The following SCAF8 variants were observed in gnomAD, a reference collection of about 807,000 sequenced individuals.
The protein encoded by SCAF8 is SR-related CTD associated factor 8.
In SCAF8, 23 loss-of-function variants were observed where a neutral mutation model predicts 140.5. The observed-to-expected ratio is 0.16, with a 90% CI of 0.12 to 0.23. The LOEUF (loss-of-function observed/expected upper bound fraction) is 0.23, where lower values mean the gene tolerates loss of function less well. SCAF8 is among the 10% of genes least tolerant of loss of function. The pLI, the probability that SCAF8 is intolerant of heterozygous loss-of-function variation, is 1.00. For synonymous variants in SCAF8, 575 were observed against 528.9 expected (o/e 1.09, Z -1.20); for missense variants, 1,397 against 1,555.7 (o/e 0.90, Z 1.72).
At chr6:154,781,802 G>A (rs937058695) in intron 3 of SCAF8, among the ~76,000 whole-genome samples, 2 of 152,068 alleles carry the variant, frequency 1.3e-5, no homozygotes, top group Non-Finnish European at 2.9e-5. Flanking sequence ...CATTTCTTTG[G>A]GATAGTGAGT....
intron 3 of SCAF8, among the ~76,000 whole-genome samples, chr6:154,778,469 A>T (rs1368749637): frequency 6.6e-6 from 1 of 152,146 alleles, no homozygotes; most frequent in Admixed American, 6.6e-5. Context: ...AGTATTTAAA[A>T]TATAGTATTG....
intron 1 of SCAF8, among the ~76,000 whole-genome samples, chr6:154,754,961 G>C (rs1052223093): frequency 6.6e-6 from 1 of 151,976 alleles, no homozygotes; most frequent in Non-Finnish European, 1.5e-5. Flanking sequence ...TTAGACTTCT[G>C]TTTATATCAG....
At position 154,754,797 on chromosome 6, in the gene SCAF8, T is replaced by C. The variant is rs7741416; in HGVS notation, c.31-19192T>C. 9.6e-3 allele frequency among the ~76,000 whole-genome samples: 1,468 copies of C among 152,342 alleles called. 16 individuals carry two copies. The highest frequency in any genetic ancestry group is 0.033 in the African/African-American group (1,389 of 41,588). On this transcript the variant is annotated intron_variant, in intron 1 of 19. Coordinates refer to ENST00000367178, the MANE Select transcript of SCAF8 (RefSeq NM_014892.5). ...AGTTTTCAGTATTTATTCCTTATCT[T>C]TTCAACTATTATCTCTTCAGAAATT... is the stretch of plus-strand genomic sequence containing the variant.
intron 1 of SCAF8, among the ~76,000 whole-genome samples, chr6:154,771,960 A>G (rs1412092377): frequency 1.3e-5 from 2 of 152,332 alleles, no homozygotes; most frequent in Admixed American, 6.5e-5. Flanking sequence ...GTTGTTCTTC[A>G]GGTGAGAGAT....
intron 1 of SCAF8, among the ~76,000 whole-genome samples, chr6:154,769,323 A>G (rs1042593960): frequency 6.6e-6 from 1 of 152,160 alleles, no homozygotes; most frequent in Admixed American, 6.5e-5. Context: ...CAACCTCCCA[A>G]AAGAAAACAA....
At chr6:154,746,017 C>G (rs1778690959) in intron 1 of SCAF8, among the ~76,000 whole-genome samples, 1 of 152,150 alleles carries the variant, frequency 6.6e-6, no homozygotes, top group Non-Finnish European at 1.5e-5. Context: ...TCCTGACTAG[C>G]TGGGGCCACA....
At chr6:154,812,336 G>A (rs185959372) in intron 12 of SCAF8, among the ~76,000 whole-genome samples, 61 of 141,164 alleles carry the variant, frequency 4.3e-4, no homozygotes, top group African/African-American at 1.5e-3. Flanking sequence ...TTAAAATTAG[G>A]GTATGTACAT....
intron 1 of SCAF8, among the ~76,000 whole-genome samples, chr6:154,773,565 G>C (rs1171097859): frequency 6.6e-6 from 1 of 152,136 alleles, no homozygotes; most frequent in East Asian, 1.9e-4. Flanking sequence ...CCTCAGACGG[G>C]AAAAAGTATC....
At chr6:154,765,056 TTAAATA>T (rs1207426792) in intron 1 of SCAF8, among the ~76,000 whole-genome samples, 2 of 152,206 alleles carry the variant, frequency 1.3e-5, no homozygotes, top group African/African-American at 2.4e-5. Context: ...TGTAAGTACA[TTAAATA>T]TAGTCTCTTT....
At chr6:154,770,225 G>A (rs989595860) in intron 1 of SCAF8, among the ~76,000 whole-genome samples, 6 of 151,972 alleles carry the variant, frequency 3.9e-5, no homozygotes, top group African/African-American at 7.3e-5. Flanking sequence ...AGGCCGAGGC[G>A]GGCAGATGAC....
At chr6:154,804,140 A>G (rs1233276930) in intron 8 of SCAF8, among the ~76,000 whole-genome samples, 2 of 152,074 alleles carry the variant, frequency 1.3e-5, no homozygotes, top group Non-Finnish European at 2.9e-5. Context: ...GGGTATGTGA[A>G]TGGACTAGTA....
chr6:154,752,227 A>C (rs1778855343), intron 1 of SCAF8, among the ~76,000 whole-genome samples: 1 of 152,220 alleles, frequency 6.6e-6, no homozygotes, highest in Non-Finnish European at 1.5e-5. Flanking sequence ...GACAGATGAC[A>C]GTTGGCCGCC....
intron 3 of SCAF8, among the ~76,000 whole-genome samples, chr6:154,783,055 T>C (rs1777131005): frequency 1.3e-5 from 2 of 152,220 alleles, no homozygotes; most frequent in Admixed American, 1.3e-4. Context: ...TTAGTTATCC[T>C]GAATCCTAAA....
chr6:154,754,256 G>T (rs1257667496), intron 1 of SCAF8, among the ~76,000 whole-genome samples: 1 of 152,122 alleles, frequency 6.6e-6, no homozygotes, highest in Admixed American at 6.6e-5. Flanking sequence ...GTTTATTTAG[G>T]TGTTATTTGA....
intron 15 of SCAF8, 133 bp from the exon 16 acceptor site, chr6:154,822,143 C>T (rs1778437001): frequency 1.1e-5 from 9 of 844,128 alleles, no homozygotes; most frequent in South Asian, 2.5e-5. Context: ...TAGAGTGGCA[C>T]CTACGGTTGT....
At chr6:154,812,199 T>A (rs2351849) in intron 12 of SCAF8, among the ~76,000 whole-genome samples, 62,681 of 125,134 alleles carry the variant, frequency 0.5, 17,352 homozygotes, top group East Asian at 0.9. Flanking sequence ...TTTTTTTTTT[T>A]AAATAGGTTG....
intron 1 of SCAF8, among the ~76,000 whole-genome samples, chr6:154,739,761 C>T (rs1056972367): frequency 3.3e-5 from 5 of 152,270 alleles, no homozygotes; most frequent in Admixed American, 2.6e-4. Flanking sequence ...AGTGAACTCC[C>T]ATCTCCACTT....
In SCAF8 at chr6:154,747,896, CTGTGTGTGTGTGTG is replaced by C. The variant is rs71021073; in HGVS notation, c.30+13994_30+14007del. Among the ~76,000 whole-genome samples, 918 of 144,734 alleles carry C rather than the reference CTGTGTGTGTGTGTG, an allele frequency of 6.3e-3. 13 individuals are homozygous for C. Among genetic ancestry groups the C allele is most frequent in the African/African-American group, 0.021 (848 of 39,620 alleles). The allele number at this position is 144,734 out of a possible 152,430, so 95.0% of individuals were successfully genotyped here. A position where few individuals can be genotyped will look rare whatever the true frequency, so the allele number is the denominator to read the frequency against. On this transcript the variant is annotated intron_variant, in intron 1 of 19. Coordinates refer to ENST00000367178, the MANE Select transcript of SCAF8 (RefSeq NM_014892.5). ...CCTTCATGGAGTTTACATTTCATTT[CTGTGTGTGTGTGTG>C]TGTGTGTGTGTGTGTGTGTGTGTGT... is the stretch of plus-strand genomic sequence containing the variant.
chr6:154,780,277 T>G (rs972735084), intron 3 of SCAF8, among the ~76,000 whole-genome samples: 4 of 152,182 alleles, frequency 2.6e-5, no homozygotes, highest in Non-Finnish European at 5.9e-5. Context: ...ATGTAGCCTT[T>G]TGAGATTGAC....
Sources: allele counts gnomAD v4.1 joint callset (sites outside exome capture counted in the v4.1 genomes callset), GRCh38; gene constraint gnomAD v4.1.1; transcripts MANE v1.5; gene names NCBI Gene and HGNC (gene_info 2026-07-23, HGNC 2026-07-21).